The following OXR1 variants were observed in gnomAD, a reference collection of about 807,000 sequenced individuals.
OXR1 encodes oxidation resistance protein 1.
In OXR1, 41 loss-of-function variants were observed where a neutral mutation model predicts 104.6. That is an observed-to-expected ratio of 0.39 (90% confidence interval 0.31 to 0.51). The LOEUF is 0.51. Ranked by LOEUF, OXR1 falls within the 20% of genes least tolerant of loss-of-function variation. The probability of loss-of-function intolerance (pLI) is 0.77; values close to 1 mark genes in which losing one functional copy is unlikely to be tolerated. For synonymous variants in OXR1, 348 were observed against 348.4 expected (o/e 1.00, Z 0.01); for missense variants, 955 against 1,031.9 (o/e 0.93, Z 1.02).
At chr8:106,448,950 T>TCCATCTCCA (rs1563529575) in intron 2 of OXR1, among the ~76,000 whole-genome samples, 2 of 152,182 alleles carry the variant, frequency 1.3e-5, no homozygotes, top group East Asian at 3.8e-4. Context: ...AAAGCTATTT[T>TCCATCTCCA]GTTCTCTGGT....
Position 106,489,244 on chromosome 8 carries a change from A to G in OXR1, c.24-29699A>G, listed in dbSNP as rs1810915954. On this transcript the variant is annotated intron_variant, in intron 2 of 16. Coordinates refer to ENST00000517566, the MANE Select transcript of OXR1 (RefSeq NM_001198533.2). ...TCTGTTTGTCTGTTGTTGGTGTATA[A>G]GAATGCTTGTGATTTTTGTACATTG... Among the ~76,000 whole-genome samples the G allele has an allele frequency of 2.0e-5, 3 of 151,752 alleles. No homozygotes were observed. The East Asian group carries it at 5.8e-4, about 30-fold the overall frequency.
intron 1 of OXR1, among the ~76,000 whole-genome samples, chr8:106,295,123 A>C (rs1163900171): frequency 6.6e-6 from 1 of 152,204 alleles, no homozygotes; most frequent in Non-Finnish European, 1.5e-5. Context: ...TCAAGGAACA[A>C]AAGGATAATT....
chr8:106,678,070 A>G (rs1827782769), intron 3 of OXR1, among the ~76,000 whole-genome samples: 1 of 152,122 alleles, frequency 6.6e-6, no homozygotes, highest in African/African-American at 2.4e-5. Context: ...AAGGAGACAT[A>G]AAGATGCTAT....
At chr8:106,472,320 C>T (rs1821535001) in intron 2 of OXR1, among the ~76,000 whole-genome samples, 1 of 151,478 alleles carries the variant, frequency 6.6e-6, no homozygotes, top group African/African-American at 2.4e-5. Context: ...GGTTTTTTTC[C>T]CCAGTTTAAA....
At chr8:106,293,300 C>T (rs1042415487) in intron 1 of OXR1, among the ~76,000 whole-genome samples, 3 of 152,204 alleles carry the variant, frequency 2.0e-5, no homozygotes, top group South Asian at 2.1e-4. Context: ...CATTCTAGCA[C>T]AGTCCCTTAT....
intron 2 of OXR1, among the ~76,000 whole-genome samples, chr8:106,399,245 A>T (rs1817906893): frequency 6.6e-6 from 1 of 152,162 alleles, no homozygotes. Flanking sequence ...GGATTAGAAG[A>T]ATAAAGATAG....
chr8:106,607,174 C>T (rs1820465755), intron 3 of OXR1, among the ~76,000 whole-genome samples: 1 of 152,158 alleles, frequency 6.6e-6, no homozygotes, highest in South Asian at 2.1e-4. Context: ...GCTGGGGTAT[C>T]AACTTATTTA....
At chr8:106,484,264 ATTGT>A (rs1433098934) in intron 2 of OXR1, among the ~76,000 whole-genome samples, 1 of 152,060 alleles carries the variant, frequency 6.6e-6, no homozygotes, top group Non-Finnish European at 1.5e-5. Context: ...GTTAACAATT[ATTGT>A]TTATTTCAAA....
chr8:106,318,148 A>G (rs1351455532), intron 1 of OXR1, among the ~76,000 whole-genome samples: 3 of 152,184 alleles, frequency 2.0e-5, no homozygotes, highest in Non-Finnish European at 4.4e-5. Flanking sequence ...ATAATTGTTA[A>G]CAAAATTGAT....
intron 12 of OXR1, 43 bp downstream of exon 12, chr8:106,737,643 TC>T: frequency 4.1e-6 from 3 of 726,636 alleles, no homozygotes; most frequent in Non-Finnish European, 4.0e-6. Flanking sequence ...GACTAAATAC[TC>T]CCTGTTTTTA....
intron 12 of OXR1, among the ~76,000 whole-genome samples, chr8:106,737,946 C>G (rs1419271343): frequency 6.6e-6 from 1 of 151,960 alleles, no homozygotes; most frequent in Admixed American, 6.6e-5. Flanking sequence ...AGATATGGTA[C>G]TATAGGAAAA....
intron 3 of OXR1, among the ~76,000 whole-genome samples, chr8:106,673,552 A>T (rs1395060576): frequency 6.6e-6 from 1 of 152,214 alleles, no homozygotes; most frequent in Non-Finnish European, 1.5e-5. Context: ...CTGAGGAGAA[A>T]TTCAAGCCAG....
chr8:106,651,382 A>G (rs1020351204), intron 3 of OXR1, among the ~76,000 whole-genome samples: 1 of 152,176 alleles, frequency 6.6e-6, no homozygotes, highest in Non-Finnish European at 1.5e-5. Context: ...TAGGAATTTA[A>G]TAGTTTTAAG....
At chr8:106,392,419 T>G (rs141983424) in intron 2 of OXR1, among the ~76,000 whole-genome samples, 23 of 152,230 alleles carry the variant, frequency 1.5e-4, no homozygotes, top group Admixed American at 3.3e-4. Context: ...AGATAAAATT[T>G]AAGTTAGGTT....
intron 1 of OXR1, among the ~76,000 whole-genome samples, chr8:106,281,154 A>G (rs1473368699): frequency 2.0e-5 from 3 of 152,180 alleles, no homozygotes; most frequent in East Asian, 1.9e-4. Flanking sequence ...CATATAGAGC[A>G]TAGTTTGGTG....
intron 3 of OXR1, among the ~76,000 whole-genome samples, chr8:106,545,508 A>T (rs181021925): frequency 2.4e-4 from 37 of 152,346 alleles, no homozygotes; most frequent in African/African-American, 7.7e-4. Flanking sequence ...AATGAAAATC[A>T]TTTCACTCTT....
At position 106,499,168 on chromosome 8, in the gene OXR1, CAAAAAAAAAAAAA is replaced by C. The variant is rs71307063; in HGVS notation, c.24-19762_24-19750del. Among the ~76,000 whole-genome samples, 8 of 7,692 alleles carry C rather than the reference CAAAAAAAAAAAAA, an allele frequency of 1.0e-3. 3 individuals carry two copies. Among genetic ancestry groups the C allele is most frequent in the Admixed American group, 6.9e-3 (4 of 580 alleles). The allele number at this position is 7,692 out of a possible 152,430, so 5.0% of individuals were successfully genotyped here. On this transcript the variant is annotated intron_variant, in intron 2 of 16. Transcript: ENST00000517566. ...TGGGCGACAGAGCGAGACTCCGTCT[CAAAAAAAAAAAAA>C]AAAAAAAAAAAAGAATTAGGAGATG...
chr8:106,577,155 G>C (rs1359495657), intron 3 of OXR1, among the ~76,000 whole-genome samples: 1 of 151,366 alleles, frequency 6.6e-6, no homozygotes, highest in Non-Finnish European at 1.5e-5. Context: ...ATATATGTCA[G>C]TTTTTACATT....
intron 2 of OXR1, among the ~76,000 whole-genome samples, chr8:106,486,847 G>A (rs1159016575): frequency 2.6e-5 from 4 of 151,790 alleles, no homozygotes; most frequent in African/African-American, 4.8e-5. Context: ...GAAATGACAA[G>A]GTAGATGTTA....
Sources: gnomAD v4.1 joint callset for allele counts (sites outside exome capture counted in the v4.1 genomes callset) on GRCh38, gnomAD v4.1.1 for gene constraint, MANE v1.5 for transcripts, NCBI Gene and HGNC (gene_info 2026-07-23, HGNC 2026-07-21) for gene names.